Variants in CWF19L2 observed in about 807,000 individuals in gnomAD.
CWF19L2 encodes the protein CWF19-like protein 2.
A neutral mutation model predicts 111.7 loss-of-function variants in CWF19L2; 98 were observed. The ratio of observed to expected loss-of-function variants is 0.88; its 90% CI spans 0.75 to 1.04. The LOEUF (loss-of-function observed/expected upper bound fraction) is 1.04, where lower values mean the gene tolerates loss of function less well. CWF19L2 is among the 50% of genes least tolerant of loss of function. CWF19L2 has a pLI of 0.00. For synonymous variants in CWF19L2, 351 were observed against 342.9 expected (o/e 1.02, Z -0.26); for missense variants, 1,101 against 1,051.4 (o/e 1.05, Z -0.65).
intron 10 of CWF19L2, among the ~76,000 whole-genome samples, chr11:107,408,084 A>G (rs1157616080): frequency 6.6e-6 from 1 of 152,044 alleles, no homozygotes; most frequent in African/African-American, 2.4e-5. Context: ...TAATGGCTAT[A>G]GCCTCAGAAC....
At chr11:107,328,843 TA>T (rs928843411) in intron 17 of CWF19L2, among the ~76,000 whole-genome samples, 1 of 152,020 alleles carries the variant, frequency 6.6e-6, no homozygotes, top group Non-Finnish European at 1.5e-5. Context: ...TCTTTCTAGT[TA>T]AAAAAAATTC....
chr11:107,397,219 A>C (rs902238622), intron 10 of CWF19L2, among the ~76,000 whole-genome samples: 1 of 152,284 alleles, frequency 6.6e-6, no homozygotes. Context: ...CAGGCAGGGT[A>C]AGAACTAAAG....
chr11:107,440,800 A>T (rs1392289015), intron 5 of CWF19L2, among the ~76,000 whole-genome samples: 3 of 152,246 alleles, frequency 2.0e-5, no homozygotes. Context: ...TGAATGACCA[A>T]AAAACATGAA....
At chr11:107,399,381 C>T (rs897472323) in intron 10 of CWF19L2, among the ~76,000 whole-genome samples, 1 of 152,134 alleles carries the variant, frequency 6.6e-6, no homozygotes. Flanking sequence ...TGGAAAAAGG[C>T]ATTTCACACA....
At chr11:107,437,664 T>C (rs1861561839) in intron 6 of CWF19L2, among the ~76,000 whole-genome samples, 1 of 152,224 alleles carries the variant, frequency 6.6e-6, no homozygotes, top group South Asian at 2.1e-4. Context: ...TCTAAAAGCA[T>C]AATTTTCTCC....
chr11:107,373,417 A>G lies in CWF19L2; in HGVS notation c.1872+16657T>C, dbSNP rs554005958. Among the ~76,000 whole-genome samples, 124 of 135,592 alleles carry G rather than the reference A, an allele frequency of 9.1e-4. 26 individuals carry two copies. The South Asian group carries it at 9.7e-3, about 11-fold the overall frequency. The allele number at this position is 135,592 out of a possible 152,430, so 89.0% of individuals were successfully genotyped here. On this transcript the variant is annotated intron_variant, in intron 12 of 17. Transcript: ENST00000282251. Reference sequence around the variant, plus strand: ...CAGTGGTTCTCCCAGCACGCAGCTGAAGATCTGAGAACGGGCAGACTGCCT... The same window carrying G: ...CAGTGGTTCTCCCAGCACGCAGCTGGAGATCTGAGAACGGGCAGACTGCCT...
intron 5 of CWF19L2, 149 bp from the exon 6 acceptor site, chr11:107,439,332 A>G: frequency 1.7e-6 from 1 of 593,424 alleles, no homozygotes; most frequent in Admixed American, 3.3e-5. Context: ...TGTAACTTAC[A>G]GGAAATGTCT....
At position 107,373,158 on chromosome 11, in the gene CWF19L2, T is replaced by C. The variant is rs1221760750; in HGVS notation, c.1872+16916A>G. Among the ~76,000 whole-genome samples the C allele has an allele frequency of 2.4e-5, 3 of 124,374 alleles. 1 individual carries two copies. The highest frequency in any genetic ancestry group is 5.0e-5 in the Non-Finnish European group (3 of 60,226). The allele number at this position is 124,374 out of a possible 152,430, so 81.6% of individuals were successfully genotyped here. On this transcript the variant is annotated intron_variant, in intron 12 of 17. Coordinates refer to ENST00000282251, the MANE Select transcript of CWF19L2 (RefSeq NM_152434.3). ...TCTCGCTGATTGCTACCACAGCAGC[T>C]GAGATCAAACTGCAAGGCGGCAGCG...
intron 14 of CWF19L2, among the ~76,000 whole-genome samples, chr11:107,348,277 A>T (rs1860109883): frequency 6.6e-6 from 1 of 152,100 alleles, no homozygotes; most frequent in Admixed American, 6.6e-5. Context: ...TGTAGCCCCT[A>T]TTCAGTTGTC....
At chr11:107,362,464 C>A (rs569718856) in intron 12 of CWF19L2, among the ~76,000 whole-genome samples, 4 of 152,228 alleles carry the variant, frequency 2.6e-5, no homozygotes, top group South Asian at 4.1e-4. Flanking sequence ...TCCCAGCACG[C>A]AGCTGGAGAT....
At position 107,421,461 on chromosome 11, in the gene CWF19L2, T is replaced by C. The variant is rs1424551495; in HGVS notation, c.1434-3174A>G. ...TTCAGTGAAACCAAACGCTGATATT[T>C]AAGGCAATAAAATTGATAAACCTAT... is the stretch of plus-strand genomic sequence containing the variant. On this transcript the variant is annotated intron_variant, in intron 8 of 17. Transcript: ENST00000282251. Among the ~76,000 whole-genome samples, 3 of 152,090 alleles carry C rather than the reference T, an allele frequency of 2.0e-5. No individual in the cohort carries two copies. The East Asian group carries it at 5.8e-4, about 29-fold the overall frequency.
At chr11:107,335,110 A>C in intron 15 of CWF19L2, 149 bp from the exon 16 acceptor site, 1 of 499,444 alleles carries the variant, frequency 2.0e-6, no homozygotes, top group Non-Finnish European at 3.5e-6. Flanking sequence ...TTAGTTATTT[A>C]AAATAAGAAC....
intron 10 of CWF19L2, among the ~76,000 whole-genome samples, chr11:107,400,105 T>C (rs879746353): frequency 6.6e-6 from 1 of 151,838 alleles, no homozygotes; most frequent in Admixed American, 6.6e-5. Context: ...TAAACGCCTA[T>C]ATCAAAAGTC....
intron 8 of CWF19L2, among the ~76,000 whole-genome samples, chr11:107,424,025 A>C (rs1861339598): frequency 6.6e-6 from 1 of 151,864 alleles, no homozygotes; most frequent in Non-Finnish European, 1.5e-5. Context: ...GTTTCTTTAT[A>C]ATACCAATAC....
chr11:107,411,089 G>GCACACACACACACACACACA (rs146846176), intron 10 of CWF19L2, among the ~76,000 whole-genome samples: 62 of 148,794 alleles, frequency 4.2e-4, no homozygotes, highest in African/African-American at 1.5e-3. Flanking sequence ...GCGCGTGCGT[G>GCACACACACACACACACACA]CACACACACA....
intron 10 of CWF19L2, among the ~76,000 whole-genome samples, chr11:107,405,999 A>AG (rs1861072462): frequency 6.6e-6 from 1 of 152,176 alleles, no homozygotes; most frequent in Non-Finnish European, 1.5e-5. Flanking sequence ...CAAAGGAAAC[A>AG]ACTAAGAACC....
intron 12 of CWF19L2, among the ~76,000 whole-genome samples, chr11:107,384,562 C>T (rs1014738247): frequency 1.3e-5 from 2 of 152,276 alleles, no homozygotes; most frequent in South Asian, 4.1e-4. Flanking sequence ...AATTCAAATA[C>T]ATTTGCATTG....
At chr11:107,441,412 T>C (rs1419963025) in intron 5 of CWF19L2, 91 bp downstream of exon 5, 10 of 1,070,110 alleles carry the variant, frequency 9.3e-6, no homozygotes, top group South Asian at 6.9e-5. Context: ...AATAAAATGG[T>C]ATTTTACAAG....
At chr11:107,404,521 T>A (rs879105889) in intron 10 of CWF19L2, 15 of 713,718 alleles carry the variant, frequency 2.1e-5, no homozygotes, top group Non-Finnish European at 3.1e-5. Flanking sequence ...CCACAAACCT[T>A]GGAGTGCTGG....
Sources: allele counts gnomAD v4.1 joint callset (sites outside exome capture counted in the v4.1 genomes callset), GRCh38; gene constraint gnomAD v4.1.1; transcripts MANE v1.5; gene names NCBI Gene and HGNC (gene_info 2026-07-23, HGNC 2026-07-21).